RORA: variants seen among roughly 807,000 people sequenced by gnomAD.
The protein encoded by RORA is nuclear receptor ROR-alpha.
In RORA, 7 loss-of-function variants were observed where a neutral mutation model predicts 69.5. The ratio of observed to expected loss-of-function variants is 0.10; its 90% confidence interval spans 0.06 to 0.19. The LOEUF is 0.19. RORA is among the 10% of genes least tolerant of loss of function. The pLI is 1.00. For synonymous variants in RORA, 261 were observed against 240.8 expected (o/e 1.08, Z -0.78); for missense variants, 457 against 663.0 (o/e 0.69, Z 3.41).
rs149883264 is a variant in RORA, at chr15:60,967,226, T to A, written c.166+261827A>T. Among the ~76,000 whole-genome samples, 1,153 of 152,370 alleles carry A rather than the reference T, an allele frequency of 7.6e-3. 7 individuals carry two copies. The highest frequency in any genetic ancestry group is 0.01 in the Non-Finnish European group (697 of 68,036). On this transcript the variant is annotated intron_variant, in intron 1 of 10. Transcript: ENST00000335670. ...AGCATATGACATATAATTTTTGTTA[T>A]ACATCGGCATATATATTTATGCATT...
chr15:60,595,896 T>A (rs1276909922), intron 2 of RORA, among the ~76,000 whole-genome samples: 2 of 152,128 alleles, frequency 1.3e-5, no homozygotes, highest in Non-Finnish European at 2.9e-5. Flanking sequence ...CCACGTGGTG[T>A]TCCTGTGTGC....
intron 1 of RORA, among the ~76,000 whole-genome samples, chr15:60,707,293 G>T (rs960973521): frequency 2.0e-5 from 3 of 151,724 alleles, no homozygotes; most frequent in Non-Finnish European, 4.4e-5. Flanking sequence ...ATACAAGTAC[G>T]AATATTTCCC....
chr15:60,939,791 G>A (rs1358001209), intron 1 of RORA, among the ~76,000 whole-genome samples: 1 of 152,174 alleles, frequency 6.6e-6, no homozygotes, highest in African/African-American at 2.4e-5. Context: ...GTTTATGCAC[G>A]GGACAGTGCC....
Position 60,671,092 on chromosome 15 carries a change from A to ATATATATATATC in RORA, c.196+7564_196+7565insGATATATATATA, listed in dbSNP as rs1193498246. Among the ~76,000 whole-genome samples the ATATATATATATC allele has an allele frequency of 7.8e-5, 8 of 103,034 alleles. No individual in the cohort carries two copies. In the East Asian group the frequency reaches 2.2e-3, roughly 28 times the overall value. The allele number at this position is 103,034 out of a possible 152,430, so 67.6% of individuals were successfully genotyped here. ...GATATATATATATATATATATATAT[A>ATATATATATATC]TATATCTGTTTCCTGAGCGTTCTGT... On this transcript the variant is annotated intron_variant, in intron 2 of 10. Transcript: ENST00000335670.
chr15:60,513,750 A>G (rs1350194241), intron 4 of RORA, among the ~76,000 whole-genome samples: 2 of 152,106 alleles, frequency 1.3e-5, no homozygotes, highest in African/African-American at 4.8e-5. Flanking sequence ...ATGTAGATCT[A>G]CAGGCGCTAA....
At chr15:61,174,960 C>T (rs543847820) in intron 1 of RORA, among the ~76,000 whole-genome samples, 1 of 152,238 alleles carries the variant, frequency 6.6e-6, no homozygotes, top group African/African-American at 2.4e-5. Context: ...GGGGTTTGAA[C>T]CCAAATCTGC....
chr15:60,995,835 C>T (rs562145145), intron 1 of RORA, among the ~76,000 whole-genome samples: 1 of 152,264 alleles, frequency 6.6e-6, no homozygotes, highest in South Asian at 2.1e-4. Flanking sequence ...AAAAAGAACG[C>T]ACATCTGACC....
intron 1 of RORA, among the ~76,000 whole-genome samples, chr15:61,058,967 A>G (rs1269053689): frequency 6.6e-6 from 1 of 152,224 alleles, no homozygotes; most frequent in Admixed American, 6.5e-5. Flanking sequence ...GTGATAAAGC[A>G]TTTCCACAGG....
At chr15:61,130,120 T>C (rs975833726) in intron 1 of RORA, among the ~76,000 whole-genome samples, 42 of 152,224 alleles carry the variant, frequency 2.8e-4, no homozygotes, top group African/African-American at 9.9e-4. Flanking sequence ...TAGACACCTC[T>C]TGGGTCATGA....
At chr15:60,583,147 T>C (rs2068239307) in intron 2 of RORA, among the ~76,000 whole-genome samples, 1 of 152,144 alleles carries the variant, frequency 6.6e-6, no homozygotes, top group African/African-American at 2.4e-5. Context: ...AGGCAGGTAG[T>C]CCTTCTCCAC....
Position 60,844,897 on chromosome 15 carries a change from TGGG to T in RORA, c.167-166214_167-166212del, listed in dbSNP as rs1193191463. Among the ~76,000 whole-genome samples the T allele has an allele frequency of 3.9e-5, 6 of 152,302 alleles. No individual in the cohort carries two copies. In the South Asian group the frequency reaches 1.0e-3, roughly 26 times the overall value. On this transcript the variant is annotated intron_variant, in intron 1 of 10. Transcript: ENST00000335670. ...AGAATGTGCAGGAAGCCAAGGTAAC[TGGG>T]CAACACATAATGAAACGGTTTGTGG...
chr15:60,567,416 A>T (rs3837722), intron 2 of RORA, among the ~76,000 whole-genome samples: 19,048 of 142,438 alleles, frequency 0.13, 1,902 homozygotes, highest in African/African-American at 0.28. Context: ...TATTATTATT[A>T]TTTTTTTTTT....
At chr15:61,001,740 G>T (rs1395088387) in intron 1 of RORA, among the ~76,000 whole-genome samples, 1 of 152,228 alleles carries the variant, frequency 6.6e-6, no homozygotes, top group East Asian at 1.9e-4. Flanking sequence ...TAATAGGAAA[G>T]AAATATTTGA....
intron 5 of RORA, among the ~76,000 whole-genome samples, chr15:60,509,933 G>A (rs1417846854): frequency 6.6e-6 from 1 of 152,160 alleles, no homozygotes; most frequent in East Asian, 1.9e-4. Flanking sequence ...CCCTGCTCTT[G>A]AGGATTTAAA....
At chr15:61,166,133 G>C (rs1199649285) in intron 1 of RORA, among the ~76,000 whole-genome samples, 1 of 152,170 alleles carries the variant, frequency 6.6e-6, no homozygotes, top group East Asian at 1.9e-4. Context: ...TGTAGCAAAC[G>C]TAAAGACTGA....
rs141659285 is a variant in RORA at position 61,008,283 on chromosome 15, G to A, written c.166+220770C>T. 7.3e-5 allele frequency among the ~76,000 whole-genome samples: 11 copies of A among 150,690 alleles called. No homozygotes were observed. The East Asian group carries it at 2.2e-3, about 30-fold the overall frequency. On this transcript the variant is annotated intron_variant, in intron 1 of 10. Transcript: ENST00000335670. The stretch of plus-strand genomic sequence containing the variant: ...CAAAAAATGAAACCCACTGTCTAAT[G>A]CATCTCATGACTATTCTTTTTCCTC...
chr15:61,191,005 G>T (rs2079794250), intron 1 of RORA, among the ~76,000 whole-genome samples: 1 of 146,144 alleles, frequency 6.8e-6, no homozygotes, highest in Non-Finnish European at 1.5e-5. Flanking sequence ...GAGAGGAAAT[G>T]GTCCAAAAAA....
intron 1 of RORA, among the ~76,000 whole-genome samples, chr15:60,950,627 G>A (rs1475831046): frequency 1.7e-5 from 2 of 117,096 alleles, no homozygotes; most frequent in East Asian, 4.8e-4. Flanking sequence ...AAAAAAGGCA[G>A]GGGTTGCAAT....
At chr15:60,725,734 G>A (rs1332836582) in intron 1 of RORA, among the ~76,000 whole-genome samples, 1 of 152,074 alleles carries the variant, frequency 6.6e-6, no homozygotes, top group Non-Finnish European at 1.5e-5. Context: ...GTGCCTTTCG[G>A]GATCTAGTCA....
Sources: gnomAD v4.1 joint callset for allele counts (sites outside exome capture counted in the v4.1 genomes callset) on GRCh38, gnomAD v4.1.1 for gene constraint, MANE v1.5 for transcripts, NCBI Gene and HGNC (gene_info 2026-07-23, HGNC 2026-07-21) for gene names.